The following RPS6KC1 variants were observed in gnomAD, a reference collection of about 807,000 sequenced individuals.
RPS6KC1 encodes inactive ribosomal protein S6 kinase delta-1.
In RPS6KC1, 54 loss-of-function variants were observed where a neutral mutation model predicts 103.8. That is an observed-to-expected ratio of 0.52 (90% confidence interval 0.42 to 0.65). The LOEUF (loss-of-function observed/expected upper bound fraction) is 0.65. Among genes scored for constraint, RPS6KC1 ranks in the 30% least tolerant of loss-of-function variants. The pLI is 0.00. For missense variants in RPS6KC1, 1,151 were observed against 1,253.8 expected, an observed-to-expected ratio of 0.92 and a Z score of 1.24; for synonymous variants, 439 against 438.7, an observed-to-expected ratio of 1.00 and a Z score of -0.01.
the RPS6KC1 span, among the ~76,000 whole-genome samples, chr1:213,471,619 T>C: frequency 6.6e-6 from 1 of 152,320 alleles, no homozygotes; most frequent in South Asian, 2.1e-4. Context: ...TAATTGCTAC[T>C]CATCTATCAG....
chr1:213,573,584 C>T, the RPS6KC1 span, among the ~76,000 whole-genome samples: 13 of 152,346 alleles, frequency 8.5e-5, no homozygotes, highest in Middle Eastern at 0.01. Context: ...TAGTGTCACT[C>T]TTTGCAATGT....
intron 8 of RPS6KC1, among the ~76,000 whole-genome samples, chr1:213,190,151 T>G (rs1411766533): frequency 1.3e-5 from 2 of 152,172 alleles, no homozygotes; most frequent in African/African-American, 4.8e-5. Flanking sequence ...TTGATTTCCT[T>G]TCTTTTGGGT....
chr1:213,451,754 C>T, the RPS6KC1 span, among the ~76,000 whole-genome samples: 1 of 152,222 alleles, frequency 6.6e-6, no homozygotes, highest in Non-Finnish European at 1.5e-5. Context: ...GAGTTTCTCT[C>T]TAACGTGAAC....
chr1:213,052,948 G>C (rs927992427), intron 1 of RPS6KC1, among the ~76,000 whole-genome samples: 7 of 152,166 alleles, frequency 4.6e-5, no homozygotes, highest in Non-Finnish European at 7.4e-5. Flanking sequence ...AGGGATAGAT[G>C]AACATGTCTG....
the RPS6KC1 span, among the ~76,000 whole-genome samples, chr1:213,610,000 A>G: frequency 6.6e-6 from 1 of 152,160 alleles, no homozygotes; most frequent in Non-Finnish European, 1.5e-5. Flanking sequence ...TGAGGAATAT[A>G]CATACATGAA....
At chr1:213,806,332 A>AAAAT in the RPS6KC1 span, among the ~76,000 whole-genome samples, 2 of 152,324 alleles carry the variant, frequency 1.3e-5, no homozygotes, top group South Asian at 2.1e-4. Flanking sequence ...ACTCCGTCTC[A>AAAAT]AAATAAATAA....
Position 213,242,229 on chromosome 1 carries a change from A to T in RPS6KC1, c.2753A>T (p.Asp918Val). 1 of 1,614,000 alleles carries T rather than the reference A, an allele frequency of 6.2e-7. No individual in the cohort carries two copies. Among genetic ancestry groups the T allele is most frequent in the Non-Finnish European group, 8.5e-7 (1 of 1,179,904 alleles). The change falls in exon 11 of 15, where the codon GAT (aspartate) becomes GTT (valine). Residue 918 changes from aspartate (D) to valine (V), a missense_variant. This residue lies in a region of RPS6KC1 where 189 missense variants were observed against 228.8 expected (regional missense o/e 0.83). Coordinates refer to ENST00000366960, the MANE Select transcript of RPS6KC1 (RefSeq NM_012424.6). The part of the protein sequence containing the change: ...RWAAEMVVAL[D>V]ALHREGIVCR... ...GCAGCTGAAATGGTGGTAGCCCTTG[A>T]TGCTTTACATAGAGAGGGAATTGTG... is the stretch of plus-strand genomic sequence containing the variant.
chr1:213,460,083 T>C, the RPS6KC1 span, among the ~76,000 whole-genome samples: 1 of 152,224 alleles, frequency 6.6e-6, no homozygotes, highest in East Asian at 1.9e-4. Flanking sequence ...GAGAGTTCTG[T>C]AGATGTCTAT....
the RPS6KC1 span, among the ~76,000 whole-genome samples, chr1:213,805,252 C>T: frequency 1.5e-4 from 23 of 152,232 alleles, no homozygotes; most frequent in African/African-American, 5.5e-4. Flanking sequence ...ATGAAGTTTG[C>T]CACATCAATT....
At chr1:213,154,992 TC>T (rs2089703497) in intron 6 of RPS6KC1, among the ~76,000 whole-genome samples, 1 of 152,146 alleles carries the variant, frequency 6.6e-6, no homozygotes, top group Non-Finnish European at 1.5e-5. Context: ...CAGCACGAAG[TC>T]CTTTCTTTCA....
chr1:213,445,246 A>C, the RPS6KC1 span, among the ~76,000 whole-genome samples: 2 of 152,188 alleles, frequency 1.3e-5, no homozygotes, highest in African/African-American at 2.4e-5. Context: ...TTCTCCGTTC[A>C]TCAGTTAGTG....
chr1:213,151,900 A>C (rs564194106), intron 6 of RPS6KC1, among the ~76,000 whole-genome samples: 48 of 69,662 alleles, frequency 6.9e-4, no homozygotes, highest in East Asian at 3.1e-3. Context: ...ACCTCCCTCC[A>C]AGACGGGGCG....
the RPS6KC1 span, among the ~76,000 whole-genome samples, chr1:213,507,806 TTC>T: frequency 6.6e-6 from 1 of 152,228 alleles, no homozygotes; most frequent in Non-Finnish European, 1.5e-5. Context: ...ATGCCTTAAA[TTC>T]TTTTTTCAGA....
chr1:213,424,833 A>G, the RPS6KC1 span, among the ~76,000 whole-genome samples: 1 of 152,168 alleles, frequency 6.6e-6, no homozygotes, highest in African/African-American at 2.4e-5. Flanking sequence ...CCTACCTGTT[A>G]TATTTACTAA....
At chr1:213,195,725 C>T (rs145096838) in intron 8 of RPS6KC1, among the ~76,000 whole-genome samples, 65 of 152,144 alleles carry the variant, frequency 4.3e-4, no homozygotes, top group African/African-American at 1.5e-3. Flanking sequence ...GTTTTCTATT[C>T]CTGAGTTACT....
the RPS6KC1 span, among the ~76,000 whole-genome samples, chr1:213,393,660 T>C: frequency 6.6e-6 from 1 of 152,154 alleles, no homozygotes; most frequent in Non-Finnish European, 1.5e-5. Context: ...GACTATGAGA[T>C]TGTCATATCT....
chr1:213,703,588 C>T, the RPS6KC1 span, among the ~76,000 whole-genome samples: 1 of 152,010 alleles, frequency 6.6e-6, no homozygotes, highest in Non-Finnish European at 1.5e-5. Context: ...TTTATTTCTC[C>T]TTCATGTTTG....
the RPS6KC1 span, among the ~76,000 whole-genome samples, chr1:213,515,790 G>T: frequency 2.0e-5 from 3 of 152,126 alleles, no homozygotes; most frequent in Non-Finnish European, 2.9e-5. Context: ...GCTTGATGGG[G>T]ATAGCATTGA....
At chr1:213,640,083 T>G in the RPS6KC1 span, among the ~76,000 whole-genome samples, 1 of 152,042 alleles carries the variant, frequency 6.6e-6, no homozygotes, top group Non-Finnish European at 1.5e-5. Flanking sequence ...GTTGCAGGAT[T>G]TTTTGGGTTA....
Sources: gnomAD v4.1 joint callset for allele counts (sites outside exome capture counted in the v4.1 genomes callset) on GRCh38, gnomAD v4.1.1 for gene constraint, gnomAD v4.1.1 regional missense constraint, MANE v1.5 for transcripts, NCBI Gene and HGNC (gene_info 2026-07-23, HGNC 2026-07-21) for gene names.